GRID2: variants seen among roughly 807,000 people sequenced by gnomAD.
GRID2 encodes glutamate receptor ionotropic, delta-2.
GRID2 carries 33 observed loss-of-function variants against 114.8 expected under a neutral mutation model. The observed-to-expected ratio is 0.29, with a 90% CI of 0.22 to 0.38. The LOEUF (loss-of-function observed/expected upper bound fraction) is 0.38, where lower values mean the gene tolerates loss of function less well. Ranked by LOEUF, GRID2 falls within the 10% of genes least tolerant of loss-of-function variation. The pLI is 1.00. For synonymous variants in GRID2, 505 were observed against 449.9 expected (o/e 1.12, Z -1.55); for missense variants, 1,184 against 1,257.7 (o/e 0.94, Z 0.89).
At chr4:92,380,442 T>C (rs1362915555) in intron 1 of GRID2, among the ~76,000 whole-genome samples, 1 of 151,982 alleles carries the variant, frequency 6.6e-6, no homozygotes, top group Non-Finnish European at 1.5e-5. Context: ...GAAGATTAAA[T>C]GATATCAGGT....
At chr4:92,456,598 T>A (rs951309284) in intron 1 of GRID2, among the ~76,000 whole-genome samples, 2 of 152,084 alleles carry the variant, frequency 1.3e-5, no homozygotes, top group Non-Finnish European at 2.9e-5. Flanking sequence ...AGAAAAGATA[T>A]GTGTGAGGTG....
At chr4:92,576,158 T>A (rs1727883631) in intron 1 of GRID2, among the ~76,000 whole-genome samples, 1 of 152,188 alleles carries the variant, frequency 6.6e-6, no homozygotes, top group African/African-American at 2.4e-5. Flanking sequence ...CAGGCAGGCA[T>A]GGCTGGAGAC....
At chr4:92,992,519 C>A (rs1754968650) in intron 2 of GRID2, among the ~76,000 whole-genome samples, 1 of 152,004 alleles carries the variant, frequency 6.6e-6, no homozygotes, top group Admixed American at 6.6e-5. Flanking sequence ...TGCAATGTAT[C>A]TTTTCCATTT....
At chr4:93,047,021 A>G (rs904483367) in intron 2 of GRID2, among the ~76,000 whole-genome samples, 2 of 151,984 alleles carry the variant, frequency 1.3e-5, no homozygotes, top group Non-Finnish European at 2.9e-5. Flanking sequence ...TAATATGATA[A>G]TGTGATGTGA....
intron 1 of GRID2, among the ~76,000 whole-genome samples, chr4:92,368,518 C>T (rs148933516): frequency 6.8e-4 from 104 of 152,124 alleles, no homozygotes; most frequent in African/African-American, 2.4e-3. Flanking sequence ...GAATCATTCA[C>T]TTTTATTTTA....
chr4:93,455,579 T>G (rs1723104708), intron 10 of GRID2, 83 bp from the exon 11 acceptor site: 1 of 840,952 alleles, frequency 1.2e-6, no homozygotes, highest in African/African-American at 1.7e-5. Flanking sequence ...ATCTATTTTT[T>G]TTTCCTCGAG....
chr4:92,542,847 G>A (rs1297893346), intron 1 of GRID2, among the ~76,000 whole-genome samples: 2 of 151,910 alleles, frequency 1.3e-5, no homozygotes, highest in Non-Finnish European at 2.9e-5. Context: ...CAATCAGAAG[G>A]TAATAATTGA....
intron 2 of GRID2, among the ~76,000 whole-genome samples, chr4:92,634,807 A>G (rs1009121583): frequency 1.4e-5 from 2 of 138,494 alleles, no homozygotes; most frequent in African/African-American, 5.5e-5. Context: ...TTTGTATTTC[A>G]GTGTAATATC....
intron 2 of GRID2, among the ~76,000 whole-genome samples, chr4:92,766,595 T>C (rs1348745975): frequency 7.0e-6 from 1 of 143,428 alleles, no homozygotes; most frequent in Non-Finnish European, 1.5e-5. Context: ...TATGAATGAA[T>C]AAGTTGAATG....
At chr4:93,651,092 C>A (rs1722542591) in intron 14 of GRID2, among the ~76,000 whole-genome samples, 1 of 152,132 alleles carries the variant, frequency 6.6e-6, no homozygotes, top group East Asian at 1.9e-4. Context: ...TTCTGCATCA[C>A]CTCACAAAAG....
chr4:92,627,043 G>A (rs933117872), intron 2 of GRID2, among the ~76,000 whole-genome samples: 4 of 152,202 alleles, frequency 2.6e-5, no homozygotes, highest in African/African-American at 9.6e-5. Context: ...AGCAGAATAA[G>A]CACAGCTGAA....
chr4:92,459,273 A>G (rs904081398), intron 1 of GRID2, among the ~76,000 whole-genome samples: 1 of 152,198 alleles, frequency 6.6e-6, no homozygotes, highest in African/African-American at 2.4e-5. Flanking sequence ...TATAATTGTT[A>G]TAAATAATTT....
chr4:92,655,856 T>C (rs1428151875), intron 2 of GRID2, among the ~76,000 whole-genome samples: 1 of 151,810 alleles, frequency 6.6e-6, no homozygotes, highest in East Asian at 1.9e-4. Flanking sequence ...TTTTCTTTTT[T>C]CTTTTTTTCT....
intron 1 of GRID2, among the ~76,000 whole-genome samples, chr4:92,571,600 G>T (rs555812611): frequency 1.3e-5 from 2 of 151,686 alleles, no homozygotes; most frequent in Admixed American, 1.3e-4. Flanking sequence ...GCACCACACC[G>T]CACTTATTCC....
At chr4:92,821,093 A>G (rs979317806) in intron 2 of GRID2, among the ~76,000 whole-genome samples, 1 of 152,160 alleles carries the variant, frequency 6.6e-6, no homozygotes, top group Non-Finnish European at 1.5e-5. Flanking sequence ...TATATAGCCA[A>G]TTTGAAATTT....
At chr4:93,200,340 G>A (rs1237125652) in intron 4 of GRID2, among the ~76,000 whole-genome samples, 2 of 152,168 alleles carry the variant, frequency 1.3e-5, no homozygotes, top group South Asian at 2.1e-4. Flanking sequence ...GCCGAGGCGG[G>A]CGGATCACGA....
chr4:92,600,078 A>G (rs1409830552), intron 2 of GRID2, among the ~76,000 whole-genome samples: 4 of 136,986 alleles, frequency 2.9e-5, no homozygotes, highest in South Asian at 2.3e-4. Context: ...ATATATATAT[A>G]TATATATATA....
intron 4 of GRID2, among the ~76,000 whole-genome samples, chr4:93,155,051 T>C (rs1358302632): frequency 6.6e-6 from 1 of 151,970 alleles, no homozygotes; most frequent in Non-Finnish European, 1.5e-5. Context: ...TAGAGGCTCC[T>C]TGGTGGTCTA....
At chr4:93,591,384 CCTTGCATCCCAGG>C (rs1738283767) in intron 13 of GRID2, among the ~76,000 whole-genome samples, 1 of 151,242 alleles carries the variant, frequency 6.6e-6, no homozygotes, top group African/African-American at 2.4e-5. Context: ...ATTGAACCAG[CCTTGCATCCCAGG>C]GATGAAGCCC....
Sources: allele counts gnomAD v4.1 joint callset (sites outside exome capture counted in the v4.1 genomes callset), GRCh38; gene constraint gnomAD v4.1.1; transcripts MANE v1.5; gene names NCBI Gene and HGNC (gene_info 2026-07-23, HGNC 2026-07-21).